Variants in DLGAP4 observed in about 807,000 individuals in gnomAD.
The protein encoded by DLGAP4 is DLG associated protein 4.
DLGAP4 carries 18 observed loss-of-function variants against 86.9 expected under a neutral mutation model. That is an observed-to-expected ratio of 0.21 (90% CI 0.14 to 0.31). The LOEUF is 0.31. DLGAP4 is among the 10% of genes least tolerant of loss of function. DLGAP4 has a pLI of 1.00. For synonymous variants in DLGAP4, 548 were observed against 574.3 expected (o/e 0.95, Z 0.65); for missense variants, 1,085 against 1,362.6 (o/e 0.80, Z 3.21).
chr20:36,395,196 T>C (rs1229907732), intron 2 of DLGAP4, among the ~76,000 whole-genome samples: 1 of 152,204 alleles, frequency 6.6e-6, no homozygotes, highest in African/African-American at 2.4e-5. Context: ...CAGAAAGACT[T>C]TCCTGACCCT....
intron 10 of DLGAP4, among the ~76,000 whole-genome samples, chr20:36,506,242 T>G (rs1223914691): frequency 6.6e-6 from 1 of 152,154 alleles, no homozygotes; most frequent in Non-Finnish European, 1.5e-5. Context: ...ATTCTGTGGA[T>G]TTGATTCCCT....
chr20:36,330,941 CTGT>C (rs1324070805), intron 1 of DLGAP4, among the ~76,000 whole-genome samples: 3 of 152,152 alleles, frequency 2.0e-5, no homozygotes, highest in African/African-American at 4.8e-5. Flanking sequence ...GCTATTGTCA[CTGT>C]TGTTGTTGTT....
intron 1 of DLGAP4, among the ~76,000 whole-genome samples, chr20:36,361,559 C>T (rs985006227): frequency 6.6e-6 from 1 of 152,028 alleles, no homozygotes; most frequent in African/African-American, 2.4e-5. Flanking sequence ...GGGAGGCAGC[C>T]GGGCACCTAG....
At chr20:36,468,564 C>A (rs556977921) in intron 7 of DLGAP4, among the ~76,000 whole-genome samples, 16 of 152,374 alleles carry the variant, frequency 1.1e-4, no homozygotes, top group African/African-American at 3.8e-4. Flanking sequence ...CTCCTCTGAA[C>A]ACAAACTTGG....
At chr20:36,513,852 G>A (rs368326475) in intron 10 of DLGAP4, among the ~76,000 whole-genome samples, 3 of 152,232 alleles carry the variant, frequency 2.0e-5, no homozygotes, top group African/African-American at 7.2e-5. Flanking sequence ...AGGAAATGTC[G>A]ATCTGGGGGA....
At chr20:36,444,643 A>G (rs1476212182) in intron 6 of DLGAP4, among the ~76,000 whole-genome samples, 1 of 151,786 alleles carries the variant, frequency 6.6e-6, no homozygotes, top group East Asian at 1.9e-4. Flanking sequence ...ATTTTAATCA[A>G]AAAAAATTTT....
chr20:36,452,550 C>A (rs2033765529), intron 7 of DLGAP4, among the ~76,000 whole-genome samples: 1 of 146,226 alleles, frequency 6.8e-6, no homozygotes, highest in Non-Finnish European at 1.5e-5. Flanking sequence ...GAGTCTTGCT[C>A]TGTTGTCCAG....
intron 2 of DLGAP4, among the ~76,000 whole-genome samples, chr20:36,412,945 CA>C (rs1425941437): frequency 6.6e-6 from 1 of 151,096 alleles, no homozygotes; most frequent in Non-Finnish European, 1.5e-5. Flanking sequence ...CAGTGTTGTA[CA>C]GCCATCACCA....
In DLGAP4 at chr20:36,442,790, G is replaced by C. The variant is rs1216346813; in HGVS notation, c.1407+13G>C. On this transcript the variant is annotated intron_variant, in intron 6 of 12. Transcript: ENST00000339266. The stretch of plus-strand genomic sequence containing the variant: ...CCATGAGCAGCAGGTCAGTATGTTT[G>C]CCCTTCTCTTCCACCCCAATCCCAG... 6.2e-7 allele frequency: 1 copy of C among 1,614,038 alleles called. No individual in the cohort carries two copies. The highest frequency in any genetic ancestry group is 8.5e-7 in the Non-Finnish European group (1 of 1,180,022).
Position 36,446,950 on chromosome 20 carries a change from A to G in DLGAP4, c.1648+13A>G. The G allele has an allele frequency of 1.9e-6, 3 of 1,593,312 alleles. No homozygotes were observed. The highest frequency in any genetic ancestry group is 2.6e-6 in the Non-Finnish European group (3 of 1,165,102). ...CGCACGCTTCCGAGTGAGTACTGTG[A>G]TGAGGGAAGGGGTTTTTTTTCTTTT... On this transcript the variant is annotated intron_variant, in intron 7 of 12. Transcript: ENST00000339266.
At chr20:36,455,679 A>G (rs146710939) in intron 7 of DLGAP4, among the ~76,000 whole-genome samples, 104 of 152,194 alleles carry the variant, frequency 6.8e-4, no homozygotes, top group Middle Eastern at 3.4e-3. Context: ...GGTACCTCCC[A>G]TCTGTGACAA....
chr20:36,460,051 G>A (rs920028974), intron 7 of DLGAP4, among the ~76,000 whole-genome samples: 1 of 152,244 alleles, frequency 6.6e-6, no homozygotes, highest in Non-Finnish European at 1.5e-5. Context: ...AAAGGGACTT[G>A]TTCAAGGTCA....
At chr20:36,525,651 C>T in intron 11 of DLGAP4, 200 bp from the exon 12 acceptor site, 1 of 664,426 alleles carries the variant, frequency 1.5e-6, no homozygotes, top group Non-Finnish European at 2.5e-6. Context: ...TAGACTATCC[C>T]CCAAAGATCC....
chr20:36,397,090 G>A (rs200094328), intron 2 of DLGAP4, among the ~76,000 whole-genome samples: 12 of 152,166 alleles, frequency 7.9e-5, no homozygotes, highest in African/African-American at 2.4e-4. Flanking sequence ...CATCAGTGGG[G>A]AAGAAGGTCC....
intron 1 of DLGAP4, among the ~76,000 whole-genome samples, chr20:36,337,747 G>A (rs782608513): frequency 1.3e-5 from 2 of 152,232 alleles, no homozygotes; most frequent in African/African-American, 4.8e-5. Context: ...GCAGCCCATG[G>A]CATTGTGCCC....
chr20:36,495,867 G>A (rs971361611), intron 7 of DLGAP4, among the ~76,000 whole-genome samples: 3 of 152,022 alleles, frequency 2.0e-5, no homozygotes, highest in African/African-American at 4.8e-5. Flanking sequence ...GTTTGTTCAT[G>A]TGTTTGTTTG....
rs761249679 is a variant in DLGAP4, at chr20:36,436,183, T to G, written c.1074T>G (p.Pro358=). Residue 358 remains proline, a synonymous_variant, in exon 4 of 13, where the codon CCT becomes CCG. Transcript: ENST00000339266. ...AGACGGATGCCGCGGCCGAGGGCCCTATCCCGTGCCGGCGCATGCGCAGCG... is the reference window on the plus strand; with the variant it reads ...AGACGGATGCCGCGGCCGAGGGCCCGATCCCGTGCCGGCGCATGCGCAGCG... ...PRETDAAAEG[P]IPCRRMRSGS... The G allele has an allele frequency of 6.4e-5, 102 of 1,601,050 alleles. No individual in the cohort carries two copies. Among genetic ancestry groups the G allele is most frequent in the African/African-American group, 2.1e-4 (16 of 74,796 alleles).
At chr20:36,316,793 C>T (rs931197090) in intron 1 of DLGAP4, among the ~76,000 whole-genome samples, 2 of 151,994 alleles carry the variant, frequency 1.3e-5, no homozygotes, top group African/African-American at 2.4e-5. Context: ...CAGGCCAGCC[C>T]GTCCCATTGC....
chr20:36,393,295 G>C lies in DLGAP4; in HGVS notation c.-73+26020G>C, dbSNP rs1395411721. 2.0e-5 allele frequency among the ~76,000 whole-genome samples: 3 copies of C among 152,118 alleles called. No individual in the cohort carries two copies. The highest frequency in any genetic ancestry group is 4.4e-5 in the Non-Finnish European group (3 of 68,000). On this transcript the variant is annotated intron_variant, in intron 2 of 12. Transcript: ENST00000339266. This position sits in a 1 kb window ranked among gnomAD's most constrained non-coding sequence, Gnocchi z 4.4. ...GAGCAAGACTGGAAGTGCCTCCTTA[G>C]CCTGGGGTCAGAGAGGCCTGGGTGA...
Sources: allele counts gnomAD v4.1 joint callset (sites outside exome capture counted in the v4.1 genomes callset), GRCh38; gene constraint gnomAD v4.1.1; non-coding constraint Gnocchi (gnomAD v3.1); transcripts MANE v1.5; gene names NCBI Gene and HGNC (gene_info 2026-07-23, HGNC 2026-07-21).